Variants in AUTS2 observed in about 807,000 individuals in gnomAD.
The protein encoded by AUTS2 is activator of transcription and developmental regulator AUTS2, also known as autism susceptibility gene 2 protein.
In AUTS2, 17 loss-of-function variants were observed where a neutral mutation model predicts 112.4. The observed-to-expected ratio is 0.15, with a 90% CI of 0.10 to 0.23. The LOEUF (loss-of-function observed/expected upper bound fraction) is 0.23. AUTS2 is among the 10% of genes least tolerant of loss of function. The pLI is 1.00. For synonymous variants in AUTS2, 751 were observed against 702.7 expected, an observed-to-expected ratio of 1.07 and a Z score of -1.09; for missense variants, 1,510 against 1,701.6, an observed-to-expected ratio of 0.89 and a Z score of 1.98.
intron 6 of AUTS2, among the ~76,000 whole-genome samples, chr7:70,720,430 C>G (rs1786563621): frequency 6.6e-6 from 1 of 152,098 alleles, no homozygotes; most frequent in African/African-American, 2.4e-5. Context: ...GGCTATTACC[C>G]AGAAGAGAGC....
intron 5 of AUTS2, among the ~76,000 whole-genome samples, chr7:70,504,011 A>C (rs1309029687): frequency 6.7e-6 from 1 of 149,150 alleles, no homozygotes; most frequent in East Asian, 1.9e-4. Flanking sequence ...TGAAACAAAA[A>C]TTTTGAATTT....
intron 2 of AUTS2, among the ~76,000 whole-genome samples, chr7:70,116,555 G>A (rs1394348285): frequency 6.6e-6 from 1 of 152,106 alleles, no homozygotes; most frequent in Non-Finnish European, 1.5e-5. Context: ...TGGAGCTTAT[G>A]TTTAGTTTGA....
intron 2 of AUTS2, among the ~76,000 whole-genome samples, chr7:70,032,172 T>C (rs1056425542): frequency 2.0e-5 from 3 of 152,140 alleles, no homozygotes; most frequent in African/African-American, 7.2e-5. Flanking sequence ...AAAAAGGACA[T>C]AAATGTACTG....
intron 2 of AUTS2, among the ~76,000 whole-genome samples, chr7:70,074,810 G>A (rs546781764): frequency 2.0e-5 from 3 of 152,318 alleles, no homozygotes; most frequent in Non-Finnish European, 2.9e-5. Flanking sequence ...GCCATGACCT[G>A]CCTTAAGTAG....
chr7:70,509,036 C>T lies in AUTS2; in HGVS notation c.690+73255C>T, dbSNP rs569040351. The stretch of plus-strand genomic sequence containing the variant: ...TTCATTATATTTTTCCTTTCAGTCT[C>T]GGACTCTTGAGATCTAGTCTTCTAC... On this transcript the variant is annotated intron_variant, in intron 5 of 18. Transcript: ENST00000342771. Among the ~76,000 whole-genome samples the T allele has an allele frequency of 3.9e-5, 6 of 152,308 alleles. No individual in the cohort carries two copies. The South Asian group carries it at 8.3e-4, about 21-fold the overall frequency.
At chr7:69,743,138 T>A (rs1184997699) in intron 1 of AUTS2, among the ~76,000 whole-genome samples, 4 of 152,166 alleles carry the variant, frequency 2.6e-5, no homozygotes, top group Non-Finnish European at 5.9e-5. Context: ...TGCTCTGGTT[T>A]TTCTTGTGAC....
chr7:70,712,347 G>A (rs956635610), intron 6 of AUTS2, among the ~76,000 whole-genome samples: 2 of 151,578 alleles, frequency 1.3e-5, no homozygotes, highest in African/African-American at 4.8e-5. Flanking sequence ...CACGCCCAGT[G>A]TCCTCCACAT....
chr7:70,004,372 ATTCATATATATAT>A, intron 2 of AUTS2, among the ~76,000 whole-genome samples: 2 of 129,310 alleles, frequency 1.5e-5, no homozygotes, highest in Admixed American at 1.8e-4. Context: ...ATGAATATAT[ATTCATATATATAT>A]TATATATATG....
chr7:69,672,333 A>G (rs1187367669), intron 1 of AUTS2, among the ~76,000 whole-genome samples: 2 of 152,184 alleles, frequency 1.3e-5, no homozygotes, highest in Non-Finnish European at 2.9e-5. Context: ...TGTTGGGATT[A>G]TAGATGTGAG....
At chr7:70,185,606 C>T (rs571619034) in intron 4 of AUTS2, among the ~76,000 whole-genome samples, 1 of 152,256 alleles carries the variant, frequency 6.6e-6, no homozygotes, top group Admixed American at 6.5e-5. Context: ...ACGTTTTATG[C>T]TATTTAGGAT....
Position 70,261,412 on chromosome 7 carries a change from A to G in AUTS2, c.660+126841A>G, listed in dbSNP as rs182749431. On this transcript the variant is annotated intron_variant, in intron 4 of 18. Transcript: ENST00000342771. ...CTTGATTGTGGTGGCAGTTATATAGATACAGACATATTTGTCCAAACTCAT... is the reference window on the plus strand; with the variant it reads ...CTTGATTGTGGTGGCAGTTATATAGGTACAGACATATTTGTCCAAACTCAT... Among the ~76,000 whole-genome samples the G allele has an allele frequency of 3.9e-4, 59 of 152,318 alleles. No homozygotes were observed. The East Asian group carries it at 0.011, about 27-fold the overall frequency.
chr7:69,840,120 C>G (rs1398366770), intron 1 of AUTS2, among the ~76,000 whole-genome samples: 1 of 152,072 alleles, frequency 6.6e-6, no homozygotes, highest in East Asian at 1.9e-4. Flanking sequence ...TAAATATTCC[C>G]AATTGTTTTA....
At chr7:70,732,290 G>C (rs1787461156) in intron 6 of AUTS2, among the ~76,000 whole-genome samples, 1 of 152,132 alleles carries the variant, frequency 6.6e-6, no homozygotes, top group African/African-American at 2.4e-5. Flanking sequence ...AGAATTTCTA[G>C]CAGGTCTCAT....
chr7:70,396,908 G>C (rs960814269), intron 4 of AUTS2, among the ~76,000 whole-genome samples: 2 of 152,116 alleles, frequency 1.3e-5, no homozygotes, highest in Non-Finnish European at 2.9e-5. Flanking sequence ...AGAATGGCTG[G>C]AACTGGTAGG....
At chr7:70,460,338 CTTTTTTTTTTTTT>C (rs10537541) in intron 5 of AUTS2, among the ~76,000 whole-genome samples, 1 of 38,182 alleles carries the variant, frequency 2.6e-5, no homozygotes, top group Non-Finnish European at 4.5e-5. Context: ...ACAGCCTGGT[CTTTTTTTTTTTTT>C]TTTTTTTTTT....
chr7:69,787,351 C>T lies in AUTS2; in HGVS notation c.310-111935C>T, dbSNP rs537380756. Among the ~76,000 whole-genome samples the T allele has an allele frequency of 2.0e-5, 3 of 152,270 alleles. No individual in the cohort carries two copies. In the South Asian group the frequency reaches 6.2e-4, roughly 32 times the overall value. On this transcript the variant is annotated intron_variant, in intron 1 of 18. Coordinates refer to ENST00000342771, the MANE Select transcript of AUTS2 (RefSeq NM_015570.4). ...GAAAATCTAGACACTCTTTTTCTGT[C>T]ATAGAAAGATAGCCTAGTTTTACCA... is the stretch of plus-strand genomic sequence containing the variant.
At chr7:70,497,347 A>G (rs1562995691) in intron 5 of AUTS2, among the ~76,000 whole-genome samples, 1 of 152,162 alleles carries the variant, frequency 6.6e-6, no homozygotes. Flanking sequence ...ACACAGTCGC[A>G]CAGACACACA....
chr7:70,523,692 G>A (rs1799731766), intron 5 of AUTS2, among the ~76,000 whole-genome samples: 1 of 152,206 alleles, frequency 6.6e-6, no homozygotes, highest in Non-Finnish European at 1.5e-5. Flanking sequence ...TCTGGTTAGG[G>A]GTAGATTCAG....
At chr7:70,239,543 C>T (rs1273365028) in intron 4 of AUTS2, among the ~76,000 whole-genome samples, 13 of 152,134 alleles carry the variant, frequency 8.5e-5, no homozygotes, top group African/African-American at 2.9e-4. Context: ...TCAAGGGATT[C>T]TCCTGCCTAA....
Sources: allele counts gnomAD v4.1 joint callset (sites outside exome capture counted in the v4.1 genomes callset), GRCh38; gene constraint gnomAD v4.1.1; transcripts MANE v1.5; gene names NCBI Gene and HGNC (gene_info 2026-07-23, HGNC 2026-07-21).